Variants in RBFOX1 observed in about 807,000 individuals in gnomAD.
RBFOX1 encodes RNA binding protein fox-1 homolog 1.
In RBFOX1, 8 loss-of-function variants were observed where a neutral mutation model predicts 57.7. That is an observed-to-expected ratio of 0.14 (90% confidence interval 0.08 to 0.25). RBFOX1 has a LOEUF of 0.25. RBFOX1 is among the 10% of genes least tolerant of loss of function. The pLI, the probability that RBFOX1 is intolerant of heterozygous loss-of-function variation, is 1.00. For synonymous variants in RBFOX1, 326 were observed against 222.4 expected (o/e 1.47, Z -4.15); for missense variants, 611 against 548.5 (o/e 1.11, Z -1.14).
intron 1 of RBFOX1, among the ~76,000 whole-genome samples, chr16:6,253,373 C>T (rs755567649): frequency 6.6e-6 from 1 of 152,156 alleles, no homozygotes; most frequent in Non-Finnish European, 1.5e-5. Context: ...ACGCAACTTG[C>T]ATGCATGAAC....
At chr16:7,651,110 A>G (rs2064958767) in intron 11 of RBFOX1, among the ~76,000 whole-genome samples, 1 of 152,202 alleles carries the variant, frequency 6.6e-6, no homozygotes, top group South Asian at 2.1e-4. Context: ...CTCAGATACA[A>G]ATAGAAAGAC....
chr16:5,490,378 G>A (rs2062943860), intron 2 of RBFOX1, among the ~76,000 whole-genome samples: 1 of 152,144 alleles, frequency 6.6e-6, no homozygotes, highest in Non-Finnish European at 1.5e-5. Flanking sequence ...TTTGCTCAGG[G>A]GCACCTGGAA....
At chr16:5,787,289 C>T (rs1309599077) in intron 3 of RBFOX1, among the ~76,000 whole-genome samples, 1 of 152,176 alleles carries the variant, frequency 6.6e-6, no homozygotes, top group Non-Finnish European at 1.5e-5. Flanking sequence ...ATCTGTTCAT[C>T]ATAAGCATCA....
At chr16:6,329,666 C>G (rs1036187071) in intron 2 of RBFOX1, among the ~76,000 whole-genome samples, 1 of 152,064 alleles carries the variant, frequency 6.6e-6, no homozygotes, top group Non-Finnish European at 1.5e-5. Flanking sequence ...GCATGGTGGC[C>G]CATGCCTGTA....
chr16:6,993,772 A>G (rs1596361580), intron 3 of RBFOX1, among the ~76,000 whole-genome samples: 1 of 152,136 alleles, frequency 6.6e-6, no homozygotes, highest in South Asian at 2.1e-4. Flanking sequence ...GAGATCATAA[A>G]TCTGCCATCC....
At position 5,626,294 on chromosome 16, in the gene RBFOX1, C is replaced by T. The variant is rs149221765; in HGVS notation, c.318+27333C>T. 4.2e-3 allele frequency among the ~76,000 whole-genome samples: 639 copies of T among 152,268 alleles called. 7 individuals are homozygous for T. The highest frequency in any genetic ancestry group is 0.015 in the African/African-American group (609 of 41,560). ...CAGGGTTGGTTTCTTCTGCAGCCTC[C>T]CTCCTTGGCTTGTGGATGACCGTCT... On this transcript the variant is annotated intron_variant, in intron 3 of 19. Coordinates refer to the RBFOX1 transcript ENST00000641259.
intron 4 of RBFOX1, among the ~76,000 whole-genome samples, chr16:7,118,202 A>C (rs2066335971): frequency 6.6e-6 from 1 of 152,072 alleles, no homozygotes; most frequent in South Asian, 2.1e-4. Flanking sequence ...TTACATTCCC[A>C]CCAGCAGCAT....
chr16:5,856,319 A>G (rs1346856487), intron 3 of RBFOX1, among the ~76,000 whole-genome samples: 1 of 61,502 alleles, frequency 1.6e-5, no homozygotes, highest in Admixed American at 2.9e-4. Context: ...ACATATATAT[A>G]GGGAAAACTG....
chr16:7,077,018 C>G (rs1019648644), intron 4 of RBFOX1, among the ~76,000 whole-genome samples: 1 of 152,198 alleles, frequency 6.6e-6, no homozygotes, highest in African/African-American at 2.4e-5. Context: ...AGACATCCAT[C>G]TGATTTCTTG....
chr16:7,374,209 A>G (rs935220248), intron 4 of RBFOX1, among the ~76,000 whole-genome samples: 3 of 152,188 alleles, frequency 2.0e-5, no homozygotes, highest in African/African-American at 7.2e-5. Context: ...TTGGGGATTC[A>G]ATATGGGGTC....
intron 5 of RBFOX1, among the ~76,000 whole-genome samples, chr16:7,570,627 A>T (rs2092676845): frequency 6.6e-6 from 1 of 152,202 alleles, no homozygotes; most frequent in South Asian, 2.1e-4. Flanking sequence ...CTAGCCATAA[A>T]TATTCCTTCC....
intron 3 of RBFOX1, among the ~76,000 whole-genome samples, chr16:6,801,786 C>G (rs2085521746): frequency 6.6e-6 from 1 of 152,112 alleles, no homozygotes. Flanking sequence ...GCCAGACCGA[C>G]TCAAAATTAC....
intron 4 of RBFOX1, among the ~76,000 whole-genome samples, chr16:5,891,810 G>C (rs1290608167): frequency 6.6e-6 from 1 of 152,208 alleles, no homozygotes; most frequent in African/African-American, 2.4e-5. Context: ...AGTGTGGTCA[G>C]CTGTTTCTCT....
chr16:5,289,992 T>C (rs568235833), intron 1 of RBFOX1, among the ~76,000 whole-genome samples: 1 of 152,188 alleles, frequency 6.6e-6, no homozygotes, highest in East Asian at 1.9e-4. Flanking sequence ...TACTGATGAG[T>C]GGAGAGATGG....
chr16:6,323,296 G>C (rs968918055), intron 2 of RBFOX1, among the ~76,000 whole-genome samples: 1 of 152,150 alleles, frequency 6.6e-6, no homozygotes, highest in African/African-American at 2.4e-5. Flanking sequence ...TGTCAGCCTC[G>C]TTCTTCTTCA....
chr16:5,793,707 G>T (rs2054781221), intron 3 of RBFOX1, among the ~76,000 whole-genome samples: 1 of 152,364 alleles, frequency 6.6e-6, no homozygotes, highest in Non-Finnish European at 1.5e-5. Flanking sequence ...AGACTTTCCA[G>T]GCTGGGAGGG....
chr16:6,942,917 G>A (rs1175732539), intron 3 of RBFOX1, among the ~76,000 whole-genome samples: 3 of 152,192 alleles, frequency 2.0e-5, no homozygotes, highest in East Asian at 1.9e-4. Flanking sequence ...TTGTGGTACC[G>A]ACAGGGCTCG....
intron 3 of RBFOX1, among the ~76,000 whole-genome samples, chr16:6,817,427 C>T (rs1157897492): frequency 2.0e-5 from 3 of 151,342 alleles, no homozygotes; most frequent in Non-Finnish European, 4.4e-5. Flanking sequence ...GACGCAGTGG[C>T]TCATGCCTGT....
intron 3 of RBFOX1, among the ~76,000 whole-genome samples, chr16:5,608,871 G>T (rs1346371188): frequency 6.6e-6 from 1 of 152,146 alleles, no homozygotes; most frequent in Non-Finnish European, 1.5e-5. Flanking sequence ...CTTCTGAAAT[G>T]CATCTCTGCT....
Sources: allele counts gnomAD v4.1 joint callset (sites outside exome capture counted in the v4.1 genomes callset), GRCh38; gene constraint gnomAD v4.1.1; transcripts MANE v1.5; gene names NCBI Gene and HGNC (gene_info 2026-07-23, HGNC 2026-07-21).